ST7: variants seen among roughly 807,000 people sequenced by gnomAD.
ST7 encodes suppressor of tumorigenicity 7 protein.
ST7 carries 28 observed loss-of-function variants against 78.7 expected under a neutral mutation model. The ratio of observed to expected loss-of-function variants is 0.36; its 90% CI spans 0.26 to 0.49. The LOEUF is 0.49. Ranked by LOEUF, ST7 falls within the 20% of genes least tolerant of loss-of-function variation. The pLI is 0.99. For synonymous variants in ST7, 247 were observed against 249.6 expected, an observed-to-expected ratio of 0.99 and a Z score of 0.10; for missense variants, 418 against 696.0, an observed-to-expected ratio of 0.60 and a Z score of 4.49.
In ST7 at chr7:117,066,936, A is replaced by G. The variant is rs576481604; in HGVS notation, c.152-32826A>G. On this transcript the variant is annotated intron_variant, in intron 1 of 15. Transcript: ENST00000323984. The stretch of plus-strand genomic sequence containing the variant: ...CTCTCACCATTCTCTGGAAACCACT[A>G]ATCTACTTTCTGTCTCTGTGGATTT... Among the ~76,000 whole-genome samples the G allele has an allele frequency of 6.6e-5, 10 of 152,192 alleles. No homozygotes were observed. The East Asian group carries it at 1.9e-3, about 29-fold the overall frequency.
chr7:117,180,238 A>G (rs2117319643), intron 10 of ST7, among the ~76,000 whole-genome samples: 1 of 152,330 alleles, frequency 6.6e-6, no homozygotes, highest in South Asian at 2.1e-4. Context: ...GGACCTATGT[A>G]GCCCATCAGT....
chr7:117,059,208 A>G (rs1162312049), intron 1 of ST7, among the ~76,000 whole-genome samples: 4 of 152,198 alleles, frequency 2.6e-5, no homozygotes, highest in African/African-American at 7.2e-5. Flanking sequence ...ATTGTTTGTA[A>G]CACAAAGGAT....
intron 1 of ST7, among the ~76,000 whole-genome samples, chr7:116,992,257 C>T (rs1448059295): frequency 6.6e-6 from 1 of 152,234 alleles, no homozygotes; most frequent in Non-Finnish European, 1.5e-5. Context: ...CATTTCCCTT[C>T]TGCACTGCCC....
intron 1 of ST7, among the ~76,000 whole-genome samples, chr7:117,021,304 A>G (rs1795901439): frequency 6.6e-6 from 1 of 152,222 alleles, no homozygotes. Context: ...TACAATGGAT[A>G]TTTTAAAAAT....
At chr7:117,194,403 GC>G (rs1210445567) in intron 12 of ST7, among the ~76,000 whole-genome samples, 1 of 152,032 alleles carries the variant, frequency 6.6e-6, no homozygotes, top group African/African-American at 2.4e-5. Context: ...AAACCCTGTT[GC>G]CCCTTCACCA....
chr7:117,202,966 G>A (rs1033652655), intron 12 of ST7, among the ~76,000 whole-genome samples: 9 of 152,122 alleles, frequency 5.9e-5, no homozygotes, highest in African/African-American at 9.7e-5. Flanking sequence ...CTGCAGAACC[G>A]AACAGAACCT....
rs749957022 is a variant in ST7, at chr7:116,972,646, C to G, written c.151+18955C>G. On this transcript the variant is annotated intron_variant, in intron 1 of 15. Transcript: ENST00000323984. ...CTGGTTTTCAATAAACTTCATACCT[C>G]TCTCACTCTCATCAGCAGTTTTTTC... 4 of 1,177,980 alleles carry G rather than the reference C, an allele frequency of 3.4e-6. No homozygotes were observed. The Admixed American group carries it at 5.2e-5, about 15-fold the overall frequency. The allele number at this position is 1,177,980 out of a possible 1,614,324, so 73.0% of individuals were successfully genotyped here.
chr7:117,216,163 A>G (rs1048171548), intron 13 of ST7, among the ~76,000 whole-genome samples: 9 of 152,312 alleles, frequency 5.9e-5, no homozygotes, highest in Admixed American at 6.5e-5. Flanking sequence ...GGTCAGGGAT[A>G]GAAGAAGACA....
intron 2 of ST7, among the ~76,000 whole-genome samples, chr7:117,118,963 G>C (rs1447187185): frequency 6.6e-6 from 1 of 152,192 alleles, no homozygotes; most frequent in Non-Finnish European, 1.5e-5. Context: ...TGTTTATAGA[G>C]CACTTCTCTG....
intron 1 of ST7, among the ~76,000 whole-genome samples, chr7:117,010,441 C>T (rs1795341635): frequency 1.3e-5 from 2 of 152,068 alleles, no homozygotes; most frequent in African/African-American, 2.4e-5. Context: ...ACTTGGGGCT[C>T]AGTAAGCAAA....
chr7:117,151,580 C>T (rs1264834504), intron 9 of ST7, among the ~76,000 whole-genome samples: 1 of 152,094 alleles, frequency 6.6e-6, no homozygotes, highest in African/African-American at 2.4e-5. Flanking sequence ...TTTTTAATTG[C>T]CCCTTCACTT....
At chr7:116,986,113 G>T (rs1212641831) in intron 1 of ST7, among the ~76,000 whole-genome samples, 2 of 152,270 alleles carry the variant, frequency 1.3e-5, no homozygotes, top group African/African-American at 4.8e-5. Flanking sequence ...GACTACAGAT[G>T]TGAGCCACCA....
chr7:116,994,865 G>A (rs1044531143), intron 1 of ST7, among the ~76,000 whole-genome samples: 2 of 152,226 alleles, frequency 1.3e-5, no homozygotes, highest in Admixed American at 6.5e-5. Context: ...ATTGCATGAT[G>A]TACCAGTCCT....
At chr7:116,968,305 T>G (rs28430844) in intron 1 of ST7, 1 of 3,748 alleles carries the variant, frequency 2.7e-4, no homozygotes, top group Non-Finnish European at 9.0e-4. Flanking sequence ...CCTTCCTTCC[T>G]TCCTTCCTTC....
chr7:116,965,105 C>T (rs1229420390), intron 1 of ST7, among the ~76,000 whole-genome samples: 1 of 152,014 alleles, frequency 6.6e-6, no homozygotes, highest in Non-Finnish European at 1.5e-5. Context: ...TTTGGGAGGC[C>T]GAGGCGGGCA....
At chr7:117,202,597 G>T (rs997820059) in intron 12 of ST7, among the ~76,000 whole-genome samples, 1 of 151,976 alleles carries the variant, frequency 6.6e-6, no homozygotes, top group Non-Finnish European at 1.5e-5. Context: ...CCTCCACCCC[G>T]CAATTTTGTC....
intron 9 of ST7, among the ~76,000 whole-genome samples, chr7:117,166,824 G>A (rs983196678): frequency 2.0e-5 from 3 of 151,982 alleles, no homozygotes; most frequent in Admixed American, 6.6e-5. Flanking sequence ...GGGAGGCAGA[G>A]CTTGCAGTGA....
At chr7:117,099,064 A>AAAAAAAAAAAAAAT (rs1801359325) in intron 1 of ST7, among the ~76,000 whole-genome samples, 1 of 136,028 alleles carries the variant, frequency 7.4e-6, no homozygotes, top group Non-Finnish European at 1.5e-5. Flanking sequence ...AAAAAAAAAA[A>AAAAAAAAAAAAAAT]ACAAAAAAAA....
At chr7:117,081,096 T>C (rs191125247) in intron 1 of ST7, 55 of 152,290 alleles carry the variant, frequency 3.6e-4, no homozygotes, top group Admixed American at 3.6e-3. Flanking sequence ...ATAAATTATA[T>C]TAGTTATTTT....
Sources: gnomAD v4.1 joint callset for allele counts (sites outside exome capture counted in the v4.1 genomes callset) on GRCh38, gnomAD v4.1.1 for gene constraint, MANE v1.5 for transcripts, NCBI Gene and HGNC (gene_info 2026-07-23, HGNC 2026-07-21) for gene names.